The following GSE1 variants were observed in gnomAD, a reference collection of about 807,000 sequenced individuals.
GSE1 encodes Gse1 coiled-coil protein, also known as genetic suppressor element 1.
In GSE1, 32 loss-of-function variants were observed where a neutral mutation model predicts 112.6. That is an observed-to-expected ratio of 0.28 (90% CI 0.21 to 0.38). GSE1 has a LOEUF of 0.38. Ranked by LOEUF, GSE1 falls within the 10% of genes least tolerant of loss-of-function variation. GSE1 has a pLI of 1.00. For synonymous variants in GSE1, 1,115 were observed against 735.6 expected, an observed-to-expected ratio of 1.52 and a Z score of -8.35; for missense variants, 2,348 against 1,699.2, an observed-to-expected ratio of 1.38 and a Z score of -6.71.
chr16:85,566,801 C>G (rs567483824), intron 1 of GSE1, among the ~76,000 whole-genome samples: 1 of 152,338 alleles, frequency 6.6e-6, no homozygotes, highest in South Asian at 2.1e-4. Context: ...CCGTGATTAT[C>G]TGACAAGAGA....
chr16:85,639,112 A>G lies in GSE1; in HGVS notation c.226+4980A>G, dbSNP rs376884691. The stretch of plus-strand genomic sequence containing the variant: ...CCGGCCTGGGCTGCAGTCTGAGCCG[A>G]GGCGTCCCTGACCCTGTTCTGCCCT... On this transcript the variant is annotated intron_variant, in intron 2 of 15. Transcript: ENST00000253458. Among the ~76,000 whole-genome samples, 60 of 152,276 alleles carry G rather than the reference A, an allele frequency of 3.9e-4. 2 individuals carry two copies. The South Asian group carries it at 0.012, about 31-fold the overall frequency.
intron 1 of GSE1, among the ~76,000 whole-genome samples, chr16:85,344,167 A>G (rs1373255364): frequency 6.6e-6 from 1 of 152,086 alleles, no homozygotes; most frequent in East Asian, 1.9e-4. Context: ...ACTAATGGAC[A>G]TGGGGTGGGA....
chr16:85,206,963 C>T (rs2075129077), intron 1 of GSE1, among the ~76,000 whole-genome samples: 1 of 152,188 alleles, frequency 6.6e-6, no homozygotes. Context: ...TTTACAGCCT[C>T]CGGCGGCAGT....
At chr16:85,305,187 A>C (rs1469286280) in intron 1 of GSE1, among the ~76,000 whole-genome samples, 1 of 152,194 alleles carries the variant, frequency 6.6e-6, no homozygotes, top group African/African-American at 2.4e-5. Context: ...TACACGTGAG[A>C]ATCACCTGGA....
At chr16:85,277,763 C>G (rs72807747) in intron 1 of GSE1, among the ~76,000 whole-genome samples, 4,699 of 152,352 alleles carry the variant, frequency 0.031, 104 homozygotes, top group Middle Eastern at 0.075. Flanking sequence ...GCCTGCTTCT[C>G]CGTTGCCCCT....
At chr16:85,211,386 G>A (rs187349253) in intron 1 of GSE1, among the ~76,000 whole-genome samples, 5 of 152,072 alleles carry the variant, frequency 3.3e-5, no homozygotes, top group Admixed American at 6.5e-5. Flanking sequence ...CATGCAGGGC[G>A]GAGTCCCACA....
At chr16:85,509,992 C>T (rs1256107654) in intron 2 of GSE1, among the ~76,000 whole-genome samples, 1 of 152,214 alleles carries the variant, frequency 6.6e-6, no homozygotes, top group African/African-American at 2.4e-5. Context: ...ACGTATGGCT[C>T]CCTGTTGGAA....
At chr16:85,501,231 T>C (rs2051356665) in intron 2 of GSE1, among the ~76,000 whole-genome samples, 1 of 151,932 alleles carries the variant, frequency 6.6e-6, no homozygotes, top group Admixed American at 6.6e-5. Flanking sequence ...CTCAATCTCC[T>C]GACCTCGTGA....
chr16:85,485,625 G>A (rs950808196), intron 2 of GSE1, among the ~76,000 whole-genome samples: 3 of 152,234 alleles, frequency 2.0e-5, no homozygotes, highest in Non-Finnish European at 4.4e-5. Flanking sequence ...ATTAGCACTC[G>A]AGAGCCTTCC....
chr16:85,258,616 C>T (rs374053787), intron 1 of GSE1, among the ~76,000 whole-genome samples: 1 of 152,130 alleles, frequency 6.6e-6, no homozygotes, highest in African/African-American at 2.4e-5. Context: ...GGAATCCCAG[C>T]GAGAGCCCCT....
intron 2 of GSE1, among the ~76,000 whole-genome samples, chr16:85,426,526 G>GGGGGTGGA (rs1555510137): frequency 9.7e-5 from 13 of 133,862 alleles, no homozygotes; most frequent in Non-Finnish European, 1.7e-4. Flanking sequence ...GGGTGGAAGG[G>GGGGGTGGA]TGGGTGGATG....
In GSE1 at chr16:85,654,877, C is replaced by G; in HGVS notation, c.683C>G (p.Thr228Ser). 6.2e-7 allele frequency: 1 copy of G among 1,611,498 alleles called. No individual in the cohort carries two copies. The highest frequency in any genetic ancestry group is 1.1e-5 in the South Asian group (1 of 91,032). The part of the protein sequence containing the change: ...YLRSFRPYHT[T>S]DDLRMSSLPP... ...AGAAGCTTCCGGCCCTACCACACCA[C>G]CGACGACCTCCGCATGTCCTCACTG... Residue 228 changes from threonine to serine, a missense_variant, in exon 5 of 16, where the codon ACC becomes AGC. Transcript: ENST00000253458.
At chr16:85,532,053 G>A (rs768876018) in intron 2 of GSE1, among the ~76,000 whole-genome samples, 2 of 152,184 alleles carry the variant, frequency 1.3e-5, no homozygotes, top group South Asian at 2.1e-4. Flanking sequence ...TGCTCTGAGC[G>A]CGTTGTATAC....
rs1243156023 is a variant in GSE1, at chr16:85,654,947, C to T, written c.753C>T (p.His251=). 1.2e-6 allele frequency: 2 copies of T among 1,609,696 alleles called. No individual in the cohort carries two copies. The highest frequency in any genetic ancestry group is 2.2e-5 in the South Asian group (2 of 90,848). Residue 251 remains histidine, a synonymous_variant, in exon 5 of 16, where the codon CAC becomes CAT. Transcript: ENST00000253458. ...LDPATAAAYY[H]PSYLAPHPFP... ...CGGCCACTGCTGCAGCCTACTACCA[C>T]CCCAGCTACCTGGCCCCACACCCCT...
At chr16:85,665,867 G>C (rs573764082) in intron 12 of GSE1, 109 bp from the exon 13 acceptor site, 3 of 1,037,556 alleles carry the variant, frequency 2.9e-6, no homozygotes, top group Non-Finnish European at 4.4e-6. Flanking sequence ...TTGGTTCTTT[G>C]CGCTAGGTCT....
chr16:85,312,215 G>A (rs1000784961), intron 1 of GSE1, among the ~76,000 whole-genome samples: 3 of 151,624 alleles, frequency 2.0e-5, no homozygotes, highest in Non-Finnish European at 4.4e-5. Context: ...GGGGGGGGGG[G>A]GGACACACTT....
chr16:85,249,744 G>T (rs1906257604), intron 1 of GSE1, among the ~76,000 whole-genome samples: 1 of 152,220 alleles, frequency 6.6e-6, no homozygotes. Flanking sequence ...AGCCCTGAGG[G>T]CCTGGCTTGG....
intron 5 of GSE1, 79 bp downstream of exon 5, chr16:85,655,070 T>G (rs1406413647): frequency 4.3e-6 from 4 of 929,038 alleles, no homozygotes; most frequent in African/African-American, 3.2e-5. Context: ...GGAAGGTGTT[T>G]CTTATGACCT....
chr16:85,235,382 T>G (rs964703071), intron 1 of GSE1, among the ~76,000 whole-genome samples: 8 of 147,830 alleles, frequency 5.4e-5, no homozygotes, highest in Non-Finnish European at 1.1e-4. Flanking sequence ...GCCTCTCCTC[T>G]CCAGACCGCA....
Sources: gnomAD v4.1 joint callset for allele counts (sites outside exome capture counted in the v4.1 genomes callset) on GRCh38, gnomAD v4.1.1 for gene constraint, MANE v1.5 for transcripts, NCBI Gene and HGNC (gene_info 2026-07-23, HGNC 2026-07-21) for gene names.